RIN2: variants seen among roughly 807,000 people sequenced by gnomAD.
RIN2 encodes RAB5 interacting protein 2.
In RIN2, 36 loss-of-function variants were observed where a neutral mutation model predicts 78.0. That is an observed-to-expected ratio of 0.46 (90% confidence interval 0.35 to 0.61). The LOEUF is 0.61. RIN2 is among the 20% of genes least tolerant of loss of function. RIN2 has a pLI of 0.00. For synonymous variants in RIN2, 466 were observed against 466.8 expected, an observed-to-expected ratio of 1.00 and a Z score of 0.02; for missense variants, 1,087 against 1,159.7, an observed-to-expected ratio of 0.94 and a Z score of 0.91.
intron 3 of RIN2, among the ~76,000 whole-genome samples, chr20:19,915,559 G>A (rs1216328830): frequency 6.6e-6 from 1 of 152,162 alleles, no homozygotes; most frequent in South Asian, 2.1e-4. Flanking sequence ...GTCCCATCTG[G>A]ATTAAGAAGT....
At chr20:19,765,752 T>A (rs1184478550) in intron 1 of RIN2, among the ~76,000 whole-genome samples, 1 of 151,358 alleles carries the variant, frequency 6.6e-6, no homozygotes, top group East Asian at 1.9e-4. Context: ...CATTTATCCC[T>A]CTTCCTTTTA....
chr20:19,865,227 T>C (rs1185250182), intron 2 of RIN2, among the ~76,000 whole-genome samples: 4 of 152,188 alleles, frequency 2.6e-5, no homozygotes, highest in Non-Finnish European at 4.4e-5. Context: ...TGAGATGGCA[T>C]ATTTTGGTCC....
intron 9 of RIN2, among the ~76,000 whole-genome samples, chr20:19,984,018 A>G (rs1231492563): frequency 2.0e-5 from 3 of 146,906 alleles, no homozygotes; most frequent in Non-Finnish European, 4.5e-5. Flanking sequence ...TCCTAATGCT[A>G]TCCCTCCCCC....
chr20:19,878,567 C>CTT (rs1568565344), intron 2 of RIN2, among the ~76,000 whole-genome samples: 1 of 152,148 alleles, frequency 6.6e-6, no homozygotes. Flanking sequence ...ATAGAACATA[C>CTT]TTTAGTTAAC....
chr20:19,942,537 T>G (rs1306210454), intron 4 of RIN2, among the ~76,000 whole-genome samples: 2 of 152,154 alleles, frequency 1.3e-5, no homozygotes, highest in Non-Finnish European at 2.9e-5. Flanking sequence ...AACAACACCC[T>G]GACCCCGACC....
At chr20:19,858,878 C>T (rs973255721) in intron 2 of RIN2, among the ~76,000 whole-genome samples, 5 of 152,078 alleles carry the variant, frequency 3.3e-5, no homozygotes, top group Non-Finnish European at 5.9e-5. Context: ...TAGTGGAGAC[C>T]AGAACAAAGC....
intron 3 of RIN2, among the ~76,000 whole-genome samples, chr20:19,933,197 A>T (rs899794385): frequency 6.6e-6 from 1 of 152,168 alleles, no homozygotes; most frequent in African/African-American, 2.4e-5. Context: ...AAACAGATGT[A>T]AAATGGCTTT....
chr20:19,904,223 C>G (rs1203583118), intron 3 of RIN2, among the ~76,000 whole-genome samples: 1 of 93,654 alleles, frequency 1.1e-5, no homozygotes. Context: ...CAGAATGAGA[C>G]TTCGTCTCAA....
intron 2 of RIN2, among the ~76,000 whole-genome samples, chr20:19,868,299 C>T (rs530791336): frequency 3.3e-5 from 5 of 152,368 alleles, no homozygotes; most frequent in South Asian, 2.1e-4. Context: ...GGGACATACG[C>T]GCTTTCCACC....
intron 2 of RIN2, among the ~76,000 whole-genome samples, chr20:19,831,428 G>A (rs1430270592): frequency 1.3e-5 from 2 of 152,124 alleles, no homozygotes; most frequent in East Asian, 3.8e-4. Context: ...GAAAAATATG[G>A]ATAAAACAAA....
At position 19,989,348 on chromosome 20, in the gene RIN2, A is replaced by T. The variant is rs1428776060; in HGVS notation, c.1763-658A>T. Among the ~76,000 whole-genome samples, 9 of 144,954 alleles carry T rather than the reference A, an allele frequency of 6.2e-5. No individual in the cohort carries two copies. The East Asian group carries it at 1.8e-3, about 30-fold the overall frequency. On this transcript the variant is annotated intron_variant, in intron 9 of 12. Transcript: ENST00000255006. ...GAGTGCAGTGGCACAATCTTGGCTC[A>T]CTGCAACCTCTGCCTCTTGGGTTCA...
intron 3 of RIN2, among the ~76,000 whole-genome samples, chr20:19,919,631 C>T (rs2039830614): frequency 6.6e-6 from 1 of 151,852 alleles, no homozygotes; most frequent in Admixed American, 6.6e-5. Context: ...CATGGTGAAA[C>T]CCCGTCTCTA....
At chr20:19,778,184 C>T (rs2034377103) in intron 1 of RIN2, among the ~76,000 whole-genome samples, 1 of 152,216 alleles carries the variant, frequency 6.6e-6, no homozygotes, top group Non-Finnish European at 1.5e-5. Flanking sequence ...CCAGGTGCCA[C>T]AGAAGAAACA....
At chr20:19,818,783 G>T (rs67777841) in intron 2 of RIN2, among the ~76,000 whole-genome samples, 5,696 of 150,786 alleles carry the variant, frequency 0.038, 159 homozygotes, top group South Asian at 0.083. Context: ...ACTGGGCATG[G>T]ATTAAAAGAT....
chr20:19,758,279 GC>G lies in RIN2; in HGVS notation c.-209del, dbSNP rs1361758401. Reference sequence around the variant, plus strand: ...ACCCAGCCCCGCGCTCGTCTTTGGGGCCACCGGTCGCCCCCGCCTCCGGGAC... The same window carrying G: ...ACCCAGCCCCGCGCTCGTCTTTGGGGCACCGGTCGCCCCCGCCTCCGGGAC... On this transcript the variant is annotated 5_prime_UTR_variant, in exon 1 of 13. Transcript: ENST00000255006. The G allele has an allele frequency of 6.6e-6, 1 of 152,016 alleles. No individual in the cohort carries two copies. Among genetic ancestry groups the G allele is most frequent in the Non-Finnish European group, 1.5e-5 (1 of 68,108 alleles). 9.4% of individuals were successfully genotyped at this position (152,016 alleles called of 1,614,324 possible).
chr20:19,868,926 C>G (rs2037592617), intron 2 of RIN2, among the ~76,000 whole-genome samples: 1 of 151,980 alleles, frequency 6.6e-6, no homozygotes. Context: ...ACTAAAAATA[C>G]AAAAAGTTAG....
At chr20:19,791,242 A>G (rs1010319584) in intron 1 of RIN2, among the ~76,000 whole-genome samples, 5 of 151,274 alleles carry the variant, frequency 3.3e-5, no homozygotes, top group Admixed American at 6.6e-5. Context: ...ACAGATATAT[A>G]TGTATTTCTA....
intron 3 of RIN2, among the ~76,000 whole-genome samples, chr20:19,900,882 G>A (rs34019376): frequency 0.36 from 53,374 of 147,014 alleles, 9,599 homozygotes; most frequent in Admixed American, 0.39. Context: ...CCCGGGAGGC[G>A]GAGGTTGCAG....
chr20:19,841,587 C>A (rs947406865), intron 2 of RIN2, among the ~76,000 whole-genome samples: 5 of 152,116 alleles, frequency 3.3e-5, no homozygotes, highest in African/African-American at 1.2e-4. Flanking sequence ...ACAAAAGTGA[C>A]CTTTTCAAAC....
Sources: gnomAD v4.1 joint callset for allele counts (sites outside exome capture counted in the v4.1 genomes callset) on GRCh38, gnomAD v4.1.1 for gene constraint, MANE v1.5 for transcripts, NCBI Gene and HGNC (gene_info 2026-07-23, HGNC 2026-07-21) for gene names.